Variants in COL9A1 observed in about 807,000 individuals in gnomAD.
COL9A1 encodes the protein collagen type IX alpha 1 chain.
In COL9A1, 104 loss-of-function variants were observed where a neutral mutation model predicts 142.6. The observed-to-expected ratio is 0.73, with a 90% CI of 0.62 to 0.86. COL9A1 has a LOEUF of 0.86. COL9A1 is among the 40% of genes least tolerant of loss of function. COL9A1 has a pLI of 0.00. For missense variants in COL9A1, 1,210 were observed against 1,176.6 expected (o/e 1.03, Z -0.42); for synonymous variants, 466 against 396.0 (o/e 1.18, Z -2.10).
chr6:70,216,022 A>G (rs1768480286), downstream of COL9A1: 1 of 152,382 alleles, frequency 6.6e-6, no homozygotes, highest in Non-Finnish European at 1.5e-5. Context: ...TATTATAAAC[A>G]TACACCTATA....
At chr6:70,243,992 A>T (rs1770434187) in intron 28 of COL9A1, among the ~76,000 whole-genome samples, 1 of 152,186 alleles carries the variant, frequency 6.6e-6, no homozygotes. Context: ...ATATTTATAA[A>T]TGCTTCTGAT....
intron 6 of COL9A1, chr6:70,283,261 C>T: frequency 7.0e-7 from 1 of 1,436,764 alleles, no homozygotes; most frequent in Non-Finnish European, 9.1e-7. Context: ...TGGAGGAGAG[C>T]TAGGGGGCAG....
At chr6:70,283,251 T>A in intron 6 of COL9A1, 2 of 1,444,050 alleles carry the variant, frequency 1.4e-6, no homozygotes. Flanking sequence ...GTCCTGGGAT[T>A]GGAGGAGAGC....
chr6:70,289,775 A>G (rs1266739435), intron 5 of COL9A1, among the ~76,000 whole-genome samples: 1 of 152,174 alleles, frequency 6.6e-6, no homozygotes, highest in East Asian at 1.9e-4. Context: ...GCATTTCCTA[A>G]ATCACCAGAA....
At chr6:70,299,980 T>A in intron 4 of COL9A1, 63 bp downstream of exon 4, 1 of 1,462,128 alleles carries the variant, frequency 6.8e-7, no homozygotes, top group South Asian at 1.1e-5. Flanking sequence ...TAACATTGGA[T>A]AGCTATCCAT....
chr6:70,254,595 G>C (rs1771152708), intron 24 of COL9A1, 66 bp from the exon 25 acceptor site: 1 of 1,439,224 alleles, frequency 6.9e-7, no homozygotes, highest in Non-Finnish European at 9.8e-7. Flanking sequence ...TTAAGAAACG[G>C]AGGAGCACAG....
chr6:70,286,554 A>T (rs1361863305), intron 5 of COL9A1, among the ~76,000 whole-genome samples: 1 of 152,202 alleles, frequency 6.6e-6, no homozygotes, highest in African/African-American at 2.4e-5. Context: ...CTTTAATAGG[A>T]CAGATGTTTC....
At chr6:70,267,327 G>GGTTTTTTTTTTTTTTTTTTT (rs757813161) in intron 17 of COL9A1, among the ~76,000 whole-genome samples, 11 of 127,030 alleles carry the variant, frequency 8.7e-5, no homozygotes, top group African/African-American at 2.7e-4. Context: ...TGGTTTTTTT[G>GGTTTTTTTTTTTTTTTTTTT]TTTTTTTTTT....
intron 18 of COL9A1, among the ~76,000 whole-genome samples, chr6:70,265,153 C>T (rs1283489579): frequency 1.3e-5 from 2 of 152,074 alleles, no homozygotes; most frequent in Non-Finnish European, 2.9e-5. Flanking sequence ...AGGTTTTCCA[C>T]TGAACATCAA....
At chr6:70,218,955 T>C (rs1462205500) in intron 37 of COL9A1, among the ~76,000 whole-genome samples, 2 of 152,234 alleles carry the variant, frequency 1.3e-5, no homozygotes, top group Non-Finnish European at 2.9e-5. Flanking sequence ...ATTTATCCCA[T>C]ATACTTTCAT....
In COL9A1 at chr6:70,269,153, A is replaced by G. The variant is rs563917271; in HGVS notation, c.1231-293T>C. On this transcript the variant is annotated intron_variant, in intron 16 of 37. Coordinates refer to ENST00000357250, the MANE Select transcript of COL9A1 (RefSeq NM_001851.6). ...ATTTTGCAAAATTTATTTCAAATCTAATTTATTAAGGAAAATATGTTTACA... is the reference window on the plus strand; with the variant it reads ...ATTTTGCAAAATTTATTTCAAATCTGATTTATTAAGGAAAATATGTTTACA... Among the ~76,000 whole-genome samples the G allele has an allele frequency of 8.4e-4, 128 of 152,280 alleles. 1 individual carries two copies. Among genetic ancestry groups the G allele is most frequent in the African/African-American group, 2.9e-3 (122 of 41,550 alleles).
intron 37 of COL9A1, among the ~76,000 whole-genome samples, chr6:70,219,261 A>G (rs915282345): frequency 3.3e-5 from 5 of 152,204 alleles, no homozygotes. Context: ...GTTTAGGAGA[A>G]GGAAATGCCC....
intron 5 of COL9A1, among the ~76,000 whole-genome samples, chr6:70,293,158 T>C (rs573586965): frequency 9.2e-5 from 14 of 152,294 alleles, no homozygotes; most frequent in Admixed American, 9.2e-4. Flanking sequence ...ATGGGTTTTG[T>C]GACTAGAATT....
chr6:70,236,971 G>A (rs569431348), intron 33 of COL9A1, among the ~76,000 whole-genome samples: 11 of 152,260 alleles, frequency 7.2e-5, no homozygotes, highest in East Asian at 3.9e-4. Flanking sequence ...ACAGGCGTGC[G>A]CCATGACACC....
At position 70,260,718 on chromosome 6, in the gene COL9A1, T is replaced by C; in HGVS notation, c.1396-8A>G. 6.2e-7 allele frequency: 1 copy of C among 1,613,622 alleles called. No homozygotes were observed. Among genetic ancestry groups the C allele is most frequent in the South Asian group, 1.1e-5 (1 of 91,032 alleles). ...TCGCAAACCCTGGGCTCCCTGGAAA[T>C]GTGAAAAAGAGAAGTGAATTATTTT... On this transcript the variant is annotated splice_region_variant and splice_polypyrimidine_tract_variant and intron_variant, in intron 19 of 37. Transcript: ENST00000357250.
rs372232825 is a variant in COL9A1 at position 70,271,669 on chromosome 6, G to T, written c.1129C>A (p.Arg377Ser). ...GTAGLPGELG[R>S]VGPVGDPGRR... The stretch of plus-strand genomic sequence containing the variant: ...GTGGTACTCACAACAGGTCCTACAC[G>T]GCCAAGCTCTCCAGGGAGTCCTGCT... Residue 377 changes from arginine to serine, a missense_variant, in exon 14 of 38, where the codon CGT (arginine) becomes AGT (serine). Coordinates refer to ENST00000357250, the MANE Select transcript of COL9A1 (RefSeq NM_001851.6). 1 of 1,613,828 alleles carries T rather than the reference G, an allele frequency of 6.2e-7. No individual in the cohort carries two copies. Among genetic ancestry groups the T allele is most frequent in the South Asian group, 1.1e-5 (1 of 91,076 alleles).
At position 70,270,332 on chromosome 6, in the gene COL9A1, AG is replaced by A. The variant is rs1482734025; in HGVS notation, c.1178del (p.Pro393LeufsTer36). 7 of 1,613,714 alleles carry A rather than the reference AG, an allele frequency of 4.3e-6. No individual in the cohort carries two copies. Among genetic ancestry groups the A allele is most frequent in the Non-Finnish European group, 5.9e-6 (7 of 1,179,726 alleles). On this transcript the variant is annotated frameshift_variant, in exon 15 of 38. Coordinates refer to ENST00000357250, the MANE Select transcript of COL9A1 (RefSeq NM_001851.6). LOFTEE classifies it high-confidence loss of function. ...AACTTACTCTGGGTCCTGGGGGGCC[AG>A]GGGGGCCAGGTGGTCCTCTTCTCCC... is the stretch of plus-strand genomic sequence containing the variant. ...DPGRRGPPGPPGPPGPRGTIG... is the reference protein window; with the variant it reads ...DPGRRGPPGPXGPPGPRGTIG...
chr6:70,252,251 T>C lies in COL9A1; in HGVS notation c.1818+11A>G. The C allele has an allele frequency of 6.2e-7, 1 of 1,614,114 alleles. No homozygotes were observed. Among genetic ancestry groups the C allele is most frequent in the Non-Finnish European group, 8.5e-7 (1 of 1,179,950 alleles). ...GGTTAGAACTTCAGGAGAGGTAAAA[T>C]GGTGTCTTACCGGTTTGCCTGAATT... On this transcript the variant is annotated intron_variant, in intron 27 of 37. Coordinates refer to ENST00000357250, the MANE Select transcript of COL9A1 (RefSeq NM_001851.6).
chr6:70,252,268 G>A lies in COL9A1; in HGVS notation c.1812C>T (p.Gly604=). 6.2e-7 allele frequency: 1 copy of A among 1,614,172 alleles called. No homozygotes were observed. The highest frequency in any genetic ancestry group is 8.5e-7 in the Non-Finnish European group (1 of 1,180,006). ...PGKPGQMGNS[G]KPGQQGPPGE... Reference sequence around the variant, plus strand: ...AGGTAAAATGGTGTCTTACCGGTTTGCCTGAATTTCCCATCTGACCAGGCT... The same window carrying A: ...AGGTAAAATGGTGTCTTACCGGTTTACCTGAATTTCCCATCTGACCAGGCT... The change falls in exon 27 of 38, where the codon GGC becomes GGT. Residue 604 remains glycine (G), a synonymous_variant. Coordinates refer to ENST00000357250, the MANE Select transcript of COL9A1 (RefSeq NM_001851.6).
Sources: gnomAD v4.1 joint callset for allele counts (sites outside exome capture counted in the v4.1 genomes callset) on GRCh38, gnomAD v4.1.1 for gene constraint, MANE v1.5 for transcripts, NCBI Gene and HGNC (gene_info 2026-07-23, HGNC 2026-07-21) for gene names.